The following SAMD4B variants were observed in gnomAD, a reference collection of about 807,000 sequenced individuals.
SAMD4B encodes the protein sterile alpha motif domain containing 4B.
SAMD4B carries 5 observed loss-of-function variants against 74.5 expected under a neutral mutation model. The observed-to-expected ratio is 0.07, with a 90% CI of 0.04 to 0.14. The LOEUF (loss-of-function observed/expected upper bound fraction) is 0.14, where lower values mean the gene tolerates loss of function less well. Among genes scored for constraint, SAMD4B ranks in the 10% least tolerant of loss-of-function variants. The probability of loss-of-function intolerance (pLI) is 1.00; values close to 1 mark genes in which losing one functional copy is unlikely to be tolerated. For missense variants in SAMD4B, 608 were observed against 921.8 expected, an observed-to-expected ratio of 0.66 and a Z score of 4.41; for synonymous variants, 373 against 374.9, an observed-to-expected ratio of 1.00 and a Z score of 0.06.
downstream of SAMD4B, chr19:39,388,271 G>A: frequency 6.6e-7 from 1 of 1,526,440 alleles, no homozygotes; most frequent in Non-Finnish European, 9.1e-7. Context: ...CTCCAAGGTG[G>A]CTCTTGCATG....
downstream of SAMD4B, among the ~76,000 whole-genome samples, chr19:39,387,710 T>C (rs564243451): frequency 1.3e-5 from 2 of 152,344 alleles, no homozygotes; most frequent in East Asian, 3.9e-4. Flanking sequence ...GTTTAAGCAT[T>C]TCATTTAAAA....
downstream of SAMD4B, chr19:39,387,075 A>C (rs552666065): frequency 3.7e-6 from 2 of 535,822 alleles, no homozygotes; most frequent in Non-Finnish European, 6.9e-6. Context: ...GGGCCATTTA[A>C]CAGGGACACA....
chr19:39,346,241 C>T (rs2075693741), intron 1 of SAMD4B, among the ~76,000 whole-genome samples: 2 of 152,044 alleles, frequency 1.3e-5, no homozygotes, highest in Middle Eastern at 3.2e-3. Flanking sequence ...TGAGAGGGAG[C>T]CTTTTATTTG....
chr19:39,386,946 G>A (rs2078264972), downstream of SAMD4B: 3 of 646,090 alleles, frequency 4.6e-6, no homozygotes, highest in Non-Finnish European at 8.4e-6. The surrounding 1 kb of genome is among the most constrained non-coding windows in gnomAD (Gnocchi z 6.1). Context: ...ATTGAATAAG[G>A]GCAGCTAAGC....
At chr19:39,376,823 A>C in intron 7 of SAMD4B, 32 bp downstream of exon 7, 1 of 1,587,552 alleles carries the variant, frequency 6.3e-7, no homozygotes, top group Non-Finnish European at 8.6e-7. Context: ...CTTCAAGGCC[A>C]GCCAGCCACT....
intron 1 of SAMD4B, among the ~76,000 whole-genome samples, chr19:39,344,200 C>T (rs2075545500): frequency 6.6e-6 from 1 of 152,094 alleles, no homozygotes; most frequent in Non-Finnish European, 1.5e-5. Context: ...GAAGAAGACC[C>T]TCACACACAC....
At position 39,369,639 on chromosome 19, in the gene SAMD4B, C is replaced by A. The variant is rs2077175309; in HGVS notation, c.197-16C>A. On this transcript the variant is annotated splice_polypyrimidine_tract_variant and intron_variant, in intron 3 of 13. Coordinates refer to ENST00000610417, the MANE Select transcript of SAMD4B (RefSeq NM_001384574.2). ...CACCCTGGCTCTCCTGATATTTCTT[C>A]TTATCCCTTCTGTAGCCATCGTCAG... 2 of 1,609,316 alleles carry A rather than the reference C, an allele frequency of 1.2e-6. No homozygotes were observed. Among genetic ancestry groups the A allele is most frequent in the African/African-American group, 2.7e-5 (2 of 74,944 alleles).
At chr19:39,390,588 C>T (rs2078359029), downstream of SAMD4B, among the ~76,000 whole-genome samples, 1 of 152,132 alleles carries the variant, frequency 6.6e-6, no homozygotes, top group East Asian at 1.9e-4. Flanking sequence ...AGAGGGGTCT[C>T]CAAACGGTTG....
At chr19:39,353,095 TC>T (rs1463236558) in intron 1 of SAMD4B, among the ~76,000 whole-genome samples, 1 of 152,126 alleles carries the variant, frequency 6.6e-6, no homozygotes. Flanking sequence ...TTAAAATTCT[TC>T]CTTATGTTGA....
chr19:39,379,035 A>G (rs908342997), intron 9 of SAMD4B, among the ~76,000 whole-genome samples: 1 of 148,344 alleles, frequency 6.7e-6, no homozygotes, highest in African/African-American at 2.5e-5. Context: ...ACCCTTGTAC[A>G]CACTCTTCCT....
intron 1 of SAMD4B, among the ~76,000 whole-genome samples, chr19:39,352,960 G>C (rs1467252030): frequency 6.6e-6 from 1 of 152,128 alleles, no homozygotes; most frequent in Non-Finnish European, 1.5e-5. Context: ...TTGCCACCCA[G>C]TGAAGGAATC....
At position 39,356,804 on chromosome 19, in the gene SAMD4B, G is replaced by A. The variant is rs2076365504; in HGVS notation, c.-90G>A. Reference sequence around the variant, plus strand: ...CGTCCTTAAGCCCTGGCCCTCAGGGGAAAGGTAACAGGAGGCCAGAGCCGG... The same window carrying A: ...CGTCCTTAAGCCCTGGCCCTCAGGGAAAAGGTAACAGGAGGCCAGAGCCGG... On this transcript the variant is annotated 5_prime_UTR_variant, in exon 3 of 14. Coordinates refer to ENST00000610417, the MANE Select transcript of SAMD4B (RefSeq NM_001384574.2). 1 of 1,140,540 alleles carries A rather than the reference G, an allele frequency of 8.8e-7. No individual in the cohort carries two copies. The highest frequency in any genetic ancestry group is 1.2e-6 in the Non-Finnish European group (1 of 816,402). 70.7% of individuals were successfully genotyped at this position (1,140,540 alleles called of 1,614,324 possible). A position where few individuals can be genotyped will look rare whatever the true frequency, so the allele number is the denominator to read the frequency against.
At chr19:39,360,475 A>T (rs1005008954) in intron 3 of SAMD4B, among the ~76,000 whole-genome samples, 2 of 152,232 alleles carry the variant, frequency 1.3e-5, no homozygotes, top group Non-Finnish European at 2.9e-5. Flanking sequence ...AGGGAAGGCC[A>T]TGGTGTGTTC....
intron 4 of SAMD4B, 138 bp downstream of exon 4, chr19:39,370,263 C>A: frequency 1.2e-6 from 1 of 814,292 alleles, no homozygotes; most frequent in Non-Finnish European, 2.0e-6. Flanking sequence ...AATGCAGAGG[C>A]TGTGAACTGG....
At chr19:39,349,535 A>G (rs117950297) in intron 1 of SAMD4B, among the ~76,000 whole-genome samples, 1,820 of 152,210 alleles carry the variant, frequency 0.012, 11 homozygotes, top group Non-Finnish European at 0.019. Context: ...AGTGGTGTAC[A>G]TGTTTTGTGT....
chr19:39,364,777 G>C (rs545719987), intron 3 of SAMD4B, among the ~76,000 whole-genome samples: 1 of 152,172 alleles, frequency 6.6e-6, no homozygotes, highest in Non-Finnish European at 1.5e-5. Context: ...ATGATCTTTA[G>C]ATGTGGAGAT....
intron 7 of SAMD4B, 70 bp from the exon 8 acceptor site, chr19:39,377,415 T>A (rs891409311): frequency 2.2e-6 from 3 of 1,348,654 alleles, no homozygotes; most frequent in African/African-American, 2.9e-5. Context: ...TGTCTGACTC[T>A]CTGTGTAGAT....
chr19:39,375,924 C>A lies in SAMD4B; in HGVS notation c.907+35C>A. Reference sequence around the variant, plus strand: ...GGACAGCAGCACCAGGACCCTTTTCCAGGGGCTTCTGCAGAGCTTAGAGGA... The same window carrying A: ...GGACAGCAGCACCAGGACCCTTTTCAAGGGGCTTCTGCAGAGCTTAGAGGA... On this transcript the variant is annotated intron_variant, in intron 5 of 13. Transcript: ENST00000610417. The surrounding 1 kb of genome is among the most constrained non-coding windows in gnomAD (Gnocchi z 4.1). 6.3e-7 allele frequency: 1 copy of A among 1,590,890 alleles called. No homozygotes were observed.
At chr19:39,356,090 C>T (rs539300529) in intron 2 of SAMD4B, among the ~76,000 whole-genome samples, 7 of 152,272 alleles carry the variant, frequency 4.6e-5, no homozygotes, top group African/African-American at 1.7e-4. Flanking sequence ...TGATAGATAC[C>T]CAGCCAGTTA....
Sources: gnomAD v4.1 joint callset for allele counts (sites outside exome capture counted in the v4.1 genomes callset) on GRCh38, gnomAD v4.1.1 for gene constraint, Gnocchi (gnomAD v3.1) non-coding constraint, MANE v1.5 for transcripts, NCBI Gene and HGNC (gene_info 2026-07-23, HGNC 2026-07-21) for gene names.